ADRA1B: variants seen among roughly 807,000 people sequenced by gnomAD.
ADRA1B encodes adrenoceptor alpha 1B, also known as alpha-1B adrenergic receptor.
In ADRA1B, 17 loss-of-function variants were observed where a neutral mutation model predicts 17.9. The observed-to-expected ratio is 0.95, with a 90% CI of 0.65 to 1.42. ADRA1B has a LOEUF of 1.42. Ranked by LOEUF, ADRA1B falls within the 40% of genes most tolerant of loss-of-function variation. The pLI, the probability that ADRA1B is intolerant of heterozygous loss-of-function variation, is 0.00. For missense variants in ADRA1B, 681 were observed against 722.1 expected (o/e 0.94, Z 0.65); for synonymous variants, 366 against 327.6 (o/e 1.12, Z -1.27).
intron 1 of ADRA1B, among the ~76,000 whole-genome samples, chr5:159,924,741 C>A (rs1754596372): frequency 1.3e-5 from 2 of 151,358 alleles, no homozygotes; most frequent in African/African-American, 4.8e-5. Flanking sequence ...GCAGGAAATG[C>A]CTTTACCTGA....
chr5:159,874,316 GA>G (rs1753780262), intron 1 of ADRA1B, among the ~76,000 whole-genome samples: 1 of 152,158 alleles, frequency 6.6e-6, no homozygotes, highest in African/African-American at 2.4e-5. Context: ...TCTTCAAAAT[GA>G]AATAAATTCC....
downstream of ADRA1B, among the ~76,000 whole-genome samples, chr5:159,974,263 C>T (rs1342784383): frequency 6.6e-6 from 1 of 152,172 alleles, no homozygotes; most frequent in Non-Finnish European, 1.5e-5. Context: ...CAAATGCCTT[C>T]CTCATGACAT....
chr5:159,917,788 A>C lies in ADRA1B; in HGVS notation c.883A>C (p.Thr295Pro), dbSNP rs202097956. The part of the protein sequence containing the change: ...KFSREKKAAK[T>P]LGIVVGMFIL... ...CTCCAGGGAAAAGAAAGCAGCTAAG[A>C]CGTTGGGCATTGTGGTCGGTATGTT... Residue 295 changes from threonine (T) to proline (P), a missense_variant, in exon 1 of 2, where the codon ACG (threonine) becomes CCG (proline). By Grantham distance (38) the Thr-to-Pro change is conservative (BLOSUM62 -1). This residue lies in a region of ADRA1B where 424 missense variants were observed against 480.2 expected (regional missense o/e 0.88). Transcript: ENST00000306675. 1 of 1,613,802 alleles carries C rather than the reference A, an allele frequency of 6.2e-7. No individual in the cohort carries two copies. Among genetic ancestry groups the C allele is most frequent in the East Asian group, 2.2e-5 (1 of 44,878 alleles).
At chr5:159,907,658 A>C (rs551937891) in intron 1 of ADRA1B, among the ~76,000 whole-genome samples, 15 of 152,364 alleles carry the variant, frequency 9.8e-5, no homozygotes, top group African/African-American at 3.6e-4. Flanking sequence ...ATAATAACTA[A>C]CATTTATTGA....
the ADRA1B span, among the ~76,000 whole-genome samples, chr5:159,985,337 T>G: frequency 5.3e-5 from 8 of 152,376 alleles, no homozygotes; most frequent in East Asian, 1.3e-3. Context: ...TCTCCTCCAT[T>G]GGAATATGAA....
At chr5:159,932,231 G>T (rs555016430) in intron 1 of ADRA1B, among the ~76,000 whole-genome samples, 5 of 152,038 alleles carry the variant, frequency 3.3e-5, no homozygotes, top group African/African-American at 9.6e-5. Flanking sequence ...ATAGCTCACT[G>T]CAGTCTTGAA....
chr5:159,925,544 C>T (rs1754621381), intron 1 of ADRA1B, among the ~76,000 whole-genome samples: 1 of 152,202 alleles, frequency 6.6e-6, no homozygotes, highest in Admixed American at 6.5e-5. Context: ...CATGGGGACA[C>T]TCTTCCATCA....
chr5:159,872,822 T>C (rs1191829144), intron 1 of ADRA1B, among the ~76,000 whole-genome samples: 1 of 152,154 alleles, frequency 6.6e-6, no homozygotes, highest in Non-Finnish European at 1.5e-5. Context: ...GTTTGTTACA[T>C]AGGTATACAT....
chr5:159,929,627 A>C (rs923421684), intron 1 of ADRA1B, among the ~76,000 whole-genome samples: 1 of 152,068 alleles, frequency 6.6e-6, no homozygotes, highest in South Asian at 2.1e-4. Flanking sequence ...TAGACTTAGG[A>C]CCACAGGGAA....
intron 1 of ADRA1B, chr5:159,951,608 G>A (rs989764233): frequency 1.2e-5 from 5 of 414,118 alleles, no homozygotes; most frequent in African/African-American, 6.1e-5. Flanking sequence ...ATGGATAGAC[G>A]AGACCACTGT....
chr5:159,976,426 G>T (rs1755975287), downstream of ADRA1B, among the ~76,000 whole-genome samples: 1 of 151,978 alleles, frequency 6.6e-6, no homozygotes, highest in African/African-American at 2.4e-5. Flanking sequence ...AGGCTGGGTG[G>T]ATCATTTGAG....
chr5:159,958,048 A>T (rs1449569741), intron 1 of ADRA1B, among the ~76,000 whole-genome samples: 2 of 152,018 alleles, frequency 1.3e-5, no homozygotes, highest in Non-Finnish European at 2.9e-5. Flanking sequence ...TGAAATTTGC[A>T]GCCTTATAAA....
chr5:159,959,423 T>C (rs1159051449), intron 1 of ADRA1B, among the ~76,000 whole-genome samples: 2 of 152,256 alleles, frequency 1.3e-5, no homozygotes, highest in Non-Finnish European at 2.9e-5. Flanking sequence ...TAACAGGCTC[T>C]GTGTTGGGTG....
rs74428265 is a variant in ADRA1B at position 159,964,583 on chromosome 5, C to G, written c.950-7296C>G. On this transcript the variant is annotated intron_variant, in intron 1 of 1. Transcript: ENST00000306675. ...GATGAATGCTTAGCAAGCTTTAGAC[C>G]TGGGATGGGGGAGTCTCAACCCTTT... 8.1e-3 allele frequency among the ~76,000 whole-genome samples: 1,232 copies of G among 152,286 alleles called. 17 individuals are homozygous for G. The highest frequency in any genetic ancestry group is 0.027 in the African/African-American group (1,142 of 41,552).
At chr5:159,944,950 A>G (rs1021569903) in intron 1 of ADRA1B, among the ~76,000 whole-genome samples, 1 of 152,220 alleles carries the variant, frequency 6.6e-6, no homozygotes, top group Non-Finnish European at 1.5e-5. Flanking sequence ...ATAAATAAGC[A>G]TGTGATATCA....
downstream of ADRA1B, among the ~76,000 whole-genome samples, chr5:159,974,634 C>CA (rs1196958378): frequency 0.042 from 4,522 of 106,420 alleles, 95 homozygotes; most frequent in African/African-American, 0.088. Flanking sequence ...AAGACTCCAT[C>CA]AAAAAAAAAA....
chr5:159,984,295 T>C, the ADRA1B span, among the ~76,000 whole-genome samples: 40 of 152,254 alleles, frequency 2.6e-4, no homozygotes, highest in Admixed American at 4.6e-4. Flanking sequence ...ACTTAACATG[T>C]TCCAAACTGA....
chr5:159,905,844 A>T (rs1371577148), intron 1 of ADRA1B, among the ~76,000 whole-genome samples: 1 of 149,616 alleles, frequency 6.7e-6, no homozygotes, highest in African/African-American at 2.5e-5. Context: ...AAACTACAGC[A>T]AGTGAAAGTC....
At chr5:159,875,079 T>C (rs1581016235) in intron 1 of ADRA1B, among the ~76,000 whole-genome samples, 1 of 152,232 alleles carries the variant, frequency 6.6e-6, no homozygotes, top group African/African-American at 2.4e-5. Flanking sequence ...TTTGGTGGTA[T>C]AGGTCCCCTC....
Sources: allele counts gnomAD v4.1 joint callset (sites outside exome capture counted in the v4.1 genomes callset), GRCh38; gene constraint gnomAD v4.1.1; regional missense constraint gnomAD v4.1.1; transcripts MANE v1.5; gene names NCBI Gene and HGNC (gene_info 2026-07-23, HGNC 2026-07-21).